Variants in ZNF805 observed in about 807,000 individuals in gnomAD.
ZNF805 encodes the protein CTC-444N24.8.
In ZNF805, 7 loss-of-function variants were observed where a neutral mutation model predicts 13.6. The observed-to-expected ratio is 0.51, with a 90% CI of 0.29 to 0.97. The LOEUF (loss-of-function observed/expected upper bound fraction) is 0.97. Ranked by LOEUF, ZNF805 falls within the 50% of genes least tolerant of loss-of-function variation. The pLI is 0.08. For missense variants in ZNF805, 604 were observed against 771.0 expected, an observed-to-expected ratio of 0.78 and a Z score of 2.57; for synonymous variants, 293 against 279.8, an observed-to-expected ratio of 1.05 and a Z score of -0.47.
At position 57,255,636 on chromosome 19, in the gene ZNF805, A is replaced by T. The variant is rs10153490; in HGVS notation, c.*933A>T. ...TGGCATTGATATTTAAAGTTTCAAT[A>T]TTCACATGATGTTGGCTAGTATACA... is the stretch of plus-strand genomic sequence containing the variant. On this transcript the variant is annotated 3_prime_UTR_variant, in exon 4 of 4. Transcript: ENST00000414468. 0.28 allele frequency among the ~76,000 whole-genome samples: 43,173 copies of T among 152,060 alleles called. 6,714 individuals are homozygous for T. Among genetic ancestry groups the T allele is most frequent in the Non-Finnish European group, 0.35 (23,927 of 67,918 alleles).
chr19:57,242,650 T>C (rs1374254955), intron 1 of ZNF805, among the ~76,000 whole-genome samples: 1 of 152,212 alleles, frequency 6.6e-6, no homozygotes, highest in Non-Finnish European at 1.5e-5. Context: ...GCAATCTCCC[T>C]GGGGTCCAGG....
intron 2 of ZNF805, among the ~76,000 whole-genome samples, chr19:57,245,978 A>G (rs1400121490): frequency 6.6e-6 from 1 of 152,210 alleles, no homozygotes; most frequent in Non-Finnish European, 1.5e-5. Flanking sequence ...ACACTACATC[A>G]GCTGGTGCTG....
chr19:57,260,493 C>T lies in ZNF805; in HGVS notation c.*5790C>T, dbSNP rs549520077. On this transcript the variant is annotated 3_prime_UTR_variant, in exon 4 of 4. Transcript: ENST00000414468. ...AGGTCCCTTTTGACCCCCTCACTCT[C>T]TTTTTGGACCTCCATACTGCTAAAT... Among the ~76,000 whole-genome samples the T allele has an allele frequency of 6.6e-6, 1 of 152,186 alleles. No homozygotes were observed. The highest frequency in any genetic ancestry group is 1.5e-5 in the Non-Finnish European group (1 of 68,032).
intron 1 of ZNF805, 105 bp downstream of exon 1, chr19:57,241,026 G>C: frequency 8.0e-7 from 1 of 1,249,156 alleles, no homozygotes; most frequent in Non-Finnish European, 1.1e-6. Context: ...TTGTAGTTTT[G>C]TTTGTTTACG....
At position 57,258,007 on chromosome 19, in the gene ZNF805, ATTTTT is replaced by A. The variant is rs56311072; in HGVS notation, c.*3322_*3326del. Among the ~76,000 whole-genome samples the A allele has an allele frequency of 0.21, 20,194 of 95,980 alleles. 1,648 individuals are homozygous for A. Among genetic ancestry groups the A allele is most frequent in the African/African-American group, 0.23 (5,221 of 22,464 alleles). 63.0% of individuals were successfully genotyped at this position (95,980 alleles called of 152,430 possible). On this transcript the variant is annotated 3_prime_UTR_variant, in exon 4 of 4. Transcript: ENST00000414468. ...ACTGGTATGAGCAACCACGCACAGC[ATTTTT>A]TTTTTTTTTTTTTTTTTGAGACGGA...
intron 2 of ZNF805, among the ~76,000 whole-genome samples, chr19:57,246,179 CTGTT>C (rs2087617420): frequency 6.6e-6 from 1 of 152,138 alleles, no homozygotes. Context: ...CCAAAGAGCA[CTGTT>C]TGTTTGTCTT....
intron 2 of ZNF805, among the ~76,000 whole-genome samples, chr19:57,248,227 A>T (rs1390941690): frequency 6.6e-6 from 1 of 151,250 alleles, no homozygotes; most frequent in African/African-American, 2.4e-5. Context: ...AAAAAAAAAG[A>T]CTTAGATAAG....
Position 57,258,436 on chromosome 19 carries a change from G to GGT in ZNF805, c.*3734_*3735dup, listed in dbSNP as rs1555771320. Among the ~76,000 whole-genome samples the GGT allele has an allele frequency of 1.6e-5, 1 of 63,298 alleles. No individual in the cohort carries two copies. The highest frequency in any genetic ancestry group is 7.2e-5 in the African/African-American group (1 of 13,888). The allele number at this position is 63,298 out of a possible 152,430, so 41.5% of individuals were successfully genotyped here. A position where few individuals can be genotyped will look rare whatever the true frequency, so the allele number is the denominator to read the frequency against. Reference sequence around the variant, plus strand: ...TGTTGCTTCTTTCTTGGTTTGTTTGGGTTTTTTTTTTTTTGTCTTTAACAT... The same window carrying GGT: ...TGTTGCTTCTTTCTTGGTTTGTTTGGGTGTTTTTTTTTTTTTGTCTTTAACAT... On this transcript the variant is annotated 3_prime_UTR_variant, in exon 4 of 4. Coordinates refer to ENST00000414468, the MANE Select transcript of ZNF805 (RefSeq NM_001023563.4).
chr19:57,240,761 G>A lies in ZNF805; in HGVS notation c.-131G>A, dbSNP rs1232784261. On this transcript the variant is annotated 5_prime_UTR_variant, in exon 1 of 4. Transcript: ENST00000414468. The stretch of plus-strand genomic sequence containing the variant: ...CTCGGAGCGAACCGTGAGCCTCCCC[G>A]TAACGAGAGAGTTTGACTGTCAGCC... 3.6e-6 allele frequency: 3 copies of A among 824,440 alleles called. No homozygotes were observed. Among genetic ancestry groups the A allele is most frequent in the Non-Finnish European group, 5.5e-6 (3 of 544,038 alleles). 51.1% of individuals were successfully genotyped at this position (824,440 alleles called of 1,614,324 possible). A position where few individuals can be genotyped will look rare whatever the true frequency, so the allele number is the denominator to read the frequency against.
chr19:57,243,679 G>T (rs1038941155), intron 1 of ZNF805, among the ~76,000 whole-genome samples: 1 of 152,074 alleles, frequency 6.6e-6, no homozygotes, highest in South Asian at 2.1e-4. Flanking sequence ...TCTACATCTC[G>T]CCATCCACGA....
At chr19:57,244,147 GCCTTGCCT>G in intron 2 of ZNF805, 98 bp downstream of exon 2, 1 of 1,447,218 alleles carries the variant, frequency 6.9e-7, no homozygotes, top group African/African-American at 1.5e-5. Flanking sequence ...TCTCTTACTG[GCCTTGCCT>G]CCTTCCCACA....
intron 2 of ZNF805, 28 bp downstream of exon 2, chr19:57,244,077 G>A: frequency 1.2e-6 from 2 of 1,605,792 alleles, no homozygotes. Context: ...CACCATGCAG[G>A]GGATCTGCCA....
intron 2 of ZNF805, among the ~76,000 whole-genome samples, chr19:57,245,139 T>C (rs2087604894): frequency 6.6e-6 from 1 of 152,220 alleles, no homozygotes; most frequent in Non-Finnish European, 1.5e-5. Flanking sequence ...CTTCACGTCC[T>C]TCAATCACCT....
rs567316927 is a variant in ZNF805 at position 57,245,672 on chromosome 19, G to A, written c.157+1623G>A. 4.0e-5 allele frequency among the ~76,000 whole-genome samples: 6 copies of A among 151,248 alleles called. No individual in the cohort carries two copies. In the Middle Eastern group the frequency reaches 0.01, roughly 259 times the overall value. ...CGGGTGCCTGTAGTCCCAGCTACTCGGGAGGCTGAGGCAGGAGAATGGCGT... is the reference window on the plus strand; with the variant it reads ...CGGGTGCCTGTAGTCCCAGCTACTCAGGAGGCTGAGGCAGGAGAATGGCGT... On this transcript the variant is annotated intron_variant, in intron 2 of 3. Coordinates refer to ENST00000414468, the MANE Select transcript of ZNF805 (RefSeq NM_001023563.4).
At position 57,254,599 on chromosome 19, in the gene ZNF805, T is replaced by G. The variant is rs1280090096; in HGVS notation, c.1780T>G (p.Phe594Val). Residue 594 changes from phenylalanine to valine, a missense_variant, in exon 4 of 4, where the codon TTT becomes GTT. By Grantham distance (50) the Phe-to-Val change is conservative (BLOSUM62 -1). This residue lies in a region of ZNF805 where 49 missense variants were observed against 40.0 expected (regional missense o/e 1.23). Transcript: ENST00000414468. ...CCAAGAACTTTTATTGGGGAAAAAC[T>G]TTTTGAATGTCACCACTGAGGAAAA... Reference protein sequence around the residue: ...NIQELLLGKNFLNVTTEENLL... With the variant: ...NIQELLLGKNVLNVTTEENLL... 6.2e-7 allele frequency: 1 copy of G among 1,613,984 alleles called. No individual in the cohort carries two copies. Among genetic ancestry groups the G allele is most frequent in the Non-Finnish European group, 8.5e-7 (1 of 1,180,010 alleles).
In ZNF805 at chr19:57,255,914, T is replaced by G. The variant is rs1427918406; in HGVS notation, c.*1211T>G. On this transcript the variant is annotated 3_prime_UTR_variant, in exon 4 of 4. Transcript: ENST00000414468. ...AGTTATCCATGCCTTGTTCCTGATA[T>G]TAGGGGGAAATGTTCAGTTTCTCAT... 6.6e-6 allele frequency among the ~76,000 whole-genome samples: 1 copy of G among 152,154 alleles called. No individual in the cohort carries two copies. Among genetic ancestry groups the G allele is most frequent in the Non-Finnish European group, 1.5e-5 (1 of 67,980 alleles).
chr19:57,255,146 G>A lies in ZNF805; in HGVS notation c.*443G>A. 1.2e-5 allele frequency: 2 copies of A among 172,922 alleles called. No individual in the cohort carries two copies. The allele number at this position is 172,922 out of a possible 1,614,324, so 10.7% of individuals were successfully genotyped here. A position where few individuals can be genotyped will look rare whatever the true frequency, so the allele number is the denominator to read the frequency against. On this transcript the variant is annotated 3_prime_UTR_variant, in exon 4 of 4. Transcript: ENST00000414468. ...GAAACATGAATGCGCACATTTTATT[G>A]TACCACTTAATACTGTTTAGGTCTT...
chr19:57,250,510 G>T (rs1320613640), intron 3 of ZNF805, among the ~76,000 whole-genome samples: 2 of 152,196 alleles, frequency 1.3e-5, no homozygotes, highest in Non-Finnish European at 2.9e-5. Flanking sequence ...GGGATTACAG[G>T]CGTGAGACAC....
At chr19:57,242,254 C>T (rs1252480020) in intron 1 of ZNF805, among the ~76,000 whole-genome samples, 2 of 152,208 alleles carry the variant, frequency 1.3e-5, no homozygotes, top group Non-Finnish European at 2.9e-5. Context: ...GGCTGAGAAG[C>T]CCTGAGGTGA....
Sources: allele counts gnomAD v4.1 joint callset (sites outside exome capture counted in the v4.1 genomes callset), GRCh38; gene constraint gnomAD v4.1.1; regional missense constraint gnomAD v4.1.1; transcripts MANE v1.5; gene names NCBI Gene and HGNC (gene_info 2026-07-23, HGNC 2026-07-21).